Variants in LBX1 observed in about 807,000 individuals in gnomAD.
LBX1 encodes the protein transcription factor LBX1.
Under a neutral mutation model 19.9 loss-of-function variants are expected in LBX1, and 6 were observed. The ratio of observed to expected loss-of-function variants is 0.30; its 90% CI spans 0.17 to 0.60. The LOEUF (loss-of-function observed/expected upper bound fraction) is 0.60, where lower values mean the gene tolerates loss of function less well. Among genes scored for constraint, LBX1 ranks in the 20% least tolerant of loss-of-function variants. LBX1 has a pLI of 0.87. For missense variants in LBX1, 344 were observed against 393.7 expected (o/e 0.87, Z 1.07); for synonymous variants, 190 against 189.3 (o/e 1.00, Z -0.03).
rs1335464840 is a variant in LBX1 at position 101,229,225 on chromosome 10, G to A, written c.-410C>T. 1.3e-5 allele frequency: 2 copies of A among 152,910 alleles called. No homozygotes were observed. Among genetic ancestry groups the A allele is most frequent in the Non-Finnish European group, 2.9e-5 (2 of 68,512 alleles). 9.5% of individuals were successfully genotyped at this position (152,910 alleles called of 1,614,324 possible). A position where few individuals can be genotyped will look rare whatever the true frequency, so the allele number is the denominator to read the frequency against. On this transcript the variant is annotated 5_prime_UTR_variant, in exon 1 of 2. Coordinates refer to ENST00000370193, the MANE Select transcript of LBX1 (RefSeq NM_006562.5). This position sits in a 1 kb window ranked among gnomAD's most constrained non-coding sequence, Gnocchi z 6.4. ...CGGACTGCGAGGGAGGCGGAGAGAC[G>A]GGGCAATTGACTATTGCTAACAAGT... is the stretch of plus-strand genomic sequence containing the variant.
At chr10:101,227,838 A>G (rs1192044303) in intron 1 of LBX1, 48 bp from the exon 2 acceptor site, 1 of 1,512,708 alleles carries the variant, frequency 6.6e-7, no homozygotes, top group East Asian at 2.3e-5. Context: ...GAGGAAGCCC[A>G]CCCTGGCTCT....
At position 101,228,621 on chromosome 10, in the gene LBX1, C is replaced by T. The variant is rs755844405; in HGVS notation, c.195G>A (p.Lys65=). The change falls in exon 1 of 2, where the codon AAG becomes AAA. Residue 65 remains lysine, a synonymous_variant. Coordinates refer to ENST00000370193, the MANE Select transcript of LBX1 (RefSeq NM_006562.5). ...CCAGGGGCAAGCCGCCCTGCGCGTG[C>T]TTGTCCGCGGCGGCCAGCAGGTGCG... is the stretch of plus-strand genomic sequence containing the variant. ...GAAHLLAAAD[K]HAQGGLPLAG... is the part of the protein sequence containing the mutation. 1.9e-6 allele frequency: 3 copies of T among 1,574,550 alleles called. No homozygotes were observed. In the African/African-American group the frequency reaches 4.1e-5, roughly 21 times the overall value.
rs1285168819 is a variant in LBX1 at position 101,228,375 on chromosome 10, G to T, written c.325+116C>A. The T allele has an allele frequency of 2.5e-5, 18 of 722,084 alleles. No homozygotes were observed. In the Admixed American group the frequency reaches 4.4e-4, roughly 18 times the overall value. 44.7% of individuals were successfully genotyped at this position (722,084 alleles called of 1,614,324 possible). A position where few individuals can be genotyped will look rare whatever the true frequency, so the allele number is the denominator to read the frequency against. ...TTCACTCCCATAAGCAGCTGCTCAG[G>T]CTGGAAGGCCCTGGCGGCCGGAGAG... is the stretch of plus-strand genomic sequence containing the variant. On this transcript the variant is annotated intron_variant, in intron 1 of 1. Transcript: ENST00000370193.
intron 1 of LBX1, among the ~76,000 whole-genome samples, chr10:101,228,174 C>A (rs529688476): frequency 2.0e-5 from 3 of 152,150 alleles, no homozygotes; most frequent in Admixed American, 6.5e-5. Flanking sequence ...AAAAGACTCT[C>A]GATTCCCCAC....
chr10:101,227,370 G>T lies in LBX1; in HGVS notation c.746C>A (p.Ala249Asp). 3.1e-6 allele frequency: 5 copies of T among 1,607,222 alleles called. No individual in the cohort carries two copies. Among genetic ancestry groups the T allele is most frequent in the Non-Finnish European group, 2.5e-6 (3 of 1,178,274 alleles). Residue 249 changes from alanine to aspartate, a missense_variant, in exon 2 of 2, where the codon GCC becomes GAC. This residue lies in a region of LBX1 where 146 missense variants were observed against 124.2 expected (regional missense o/e 1.18). Transcript: ENST00000370193. ...CGGAGAGGCAGGCGAGAGCTGCAGG[G>T]CGCCAGCGCCCGGGGCCTTCGGGGC... ...PGAPKAPGAGALQLSPASPLT... is the reference protein window; with the variant it reads ...PGAPKAPGAGDLQLSPASPLT...
Position 101,228,791 on chromosome 10 carries a change from C to G in LBX1, c.25G>C (p.Ala9Pro). The G allele has an allele frequency of 1.3e-6, 2 of 1,597,048 alleles. No homozygotes were observed. Among genetic ancestry groups the G allele is most frequent in the Non-Finnish European group, 1.7e-6 (2 of 1,174,204 alleles). Reference sequence around the variant, plus strand: ...CGCCGCCGCTCCTCCCCCGGCGCCGCCTTGCCGTCCTCCTTGGAAGTCATC... The same window carrying G: ...CGCCGCCGCTCCTCCCCCGGCGCCGGCTTGCCGTCCTCCTTGGAAGTCATC... MTSKEDGK[A>P]APGEERRRSP... is the part of the protein sequence containing the mutation. Residue 9 changes from alanine to proline, a missense_variant, in exon 1 of 2, where the codon GCG becomes CCG. By Grantham distance (27) the Ala-to-Pro change is conservative (BLOSUM62 -1). This residue lies in a region of LBX1 where 153 missense variants were observed against 168.9 expected (regional missense o/e 0.91). Coordinates refer to ENST00000370193, the MANE Select transcript of LBX1 (RefSeq NM_006562.5).
chr10:101,227,469 T>C lies in LBX1; in HGVS notation c.647A>G (p.Glu216Gly). The change falls in exon 2 of 2, where the codon GAG (glutamate) becomes GGG (glycine). Residue 216 changes from glutamate to glycine, a missense_variant. Around this residue, in one of 3 missense-constraint regions of LBX1, gnomAD observed 146 missense variants for 124.2 expected, o/e 1.18. Coordinates refer to ENST00000370193, the MANE Select transcript of LBX1 (RefSeq NM_006562.5). ...VALAELEQNS[E>G]ATAGGGGGCG... ...GCCGCCGCCACCGCCGGCTGTGGCC[T>C]CCGAGTTCTGCTCGAGTTCGGCCAG... 6.2e-7 allele frequency: 1 copy of C among 1,605,230 alleles called. No homozygotes were observed. The highest frequency in any genetic ancestry group is 2.2e-5 in the East Asian group (1 of 44,634).
At chr10:101,228,056 C>G (rs914110210) in intron 1 of LBX1, among the ~76,000 whole-genome samples, 6 of 152,194 alleles carry the variant, frequency 3.9e-5, no homozygotes, top group Non-Finnish European at 7.3e-5. Flanking sequence ...CCCAAAGTCT[C>G]TAAGGGTATG....
chr10:101,228,735 G>A lies in LBX1; in HGVS notation c.81C>T (p.Ala27=). Residue 27 remains alanine (A), a synonymous_variant, in exon 1 of 2, where the codon GCC becomes GCT. Transcript: ENST00000370193. ...ACGGCGTCAGTGGCTTGTTGGAGTT[G>A]GCAGGCGGAGGCAGGTGGTCCAGCG... ...RSPLDHLPPP[A]NSNKPLTPFS... 6.2e-7 allele frequency: 1 copy of A among 1,604,482 alleles called. No homozygotes were observed. The highest frequency in any genetic ancestry group is 8.5e-7 in the Non-Finnish European group (1 of 1,177,128).
chr10:101,228,705 G>A lies in LBX1; in HGVS notation c.111C>T (p.Ser37=). ...ANSNKPLTPF[S]IEDILNKPSV... The stretch of plus-strand genomic sequence containing the variant: ...ACGGCTTGTTGAGGATGTCCTCGAT[G>A]CTGAACGGCGTCAGTGGCTTGTTGG... Residue 37 remains serine, a synonymous_variant, in exon 1 of 2, where the codon AGC becomes AGT. Transcript: ENST00000370193. 1 of 1,608,570 alleles carries A rather than the reference G, an allele frequency of 6.2e-7. No homozygotes were observed. Among genetic ancestry groups the A allele is most frequent in the Non-Finnish European group, 8.5e-7 (1 of 1,178,168 alleles).
At position 101,227,480 on chromosome 10, in the gene LBX1, C is replaced by T; in HGVS notation, c.636G>A (p.Glu212=). The T allele has an allele frequency of 6.2e-7, 1 of 1,608,398 alleles. No individual in the cohort carries two copies. Reference sequence around the variant, plus strand: ...CGCCGGCTGTGGCCTCCGAGTTCTGCTCGAGTTCGGCCAGCGCCACGATGT... The same window carrying T: ...CGCCGGCTGTGGCCTCCGAGTTCTGTTCGAGTTCGGCCAGCGCCACGATGT... The part of the protein sequence containing the change: ...QMDIVALAEL[E]QNSEATAGGG... Residue 212 remains glutamate, a synonymous_variant, in exon 2 of 2, where the codon GAG becomes GAA. Transcript: ENST00000370193.
In LBX1 at chr10:101,227,216, C is replaced by A; in HGVS notation, c.*54G>T. ...CCCCTCGGCGGTCCGGTCCGGGAGG[C>A]GTTGGGCTTTCGAGCGCTAGGAGCC... On this transcript the variant is annotated 3_prime_UTR_variant, in exon 2 of 2. Coordinates refer to ENST00000370193, the MANE Select transcript of LBX1 (RefSeq NM_006562.5). 2 of 1,548,548 alleles carry A rather than the reference C, an allele frequency of 1.3e-6. No homozygotes were observed. Among genetic ancestry groups the A allele is most frequent in the Non-Finnish European group, 1.7e-6 (2 of 1,146,386 alleles).
chr10:101,228,246 A>G lies in LBX1; in HGVS notation c.325+245T>C, dbSNP rs566741685. Among the ~76,000 whole-genome samples, 5 of 152,290 alleles carry G rather than the reference A, an allele frequency of 3.3e-5. No individual in the cohort carries two copies. In the East Asian group the frequency reaches 9.7e-4, roughly 30 times the overall value. On this transcript the variant is annotated intron_variant, in intron 1 of 1. Transcript: ENST00000370193. ...GAACGCAAGGGAGCCCGGCAAAGCA[A>G]GCAGACTGCGGAAAGAGCTTGGCCA...
intron 1 of LBX1, 49 bp from the exon 2 acceptor site, chr10:101,227,839 C>T: frequency 4.6e-6 from 7 of 1,508,550 alleles, no homozygotes; most frequent in Non-Finnish European, 6.2e-6. Flanking sequence ...AGGAAGCCCA[C>T]CCTGGCTCTC....
In LBX1 at chr10:101,228,600, G is replaced by T; in HGVS notation, c.216C>A (p.Pro72=). Residue 72 remains proline (P), a synonymous_variant, in exon 1 of 2, where the codon CCC becomes CCA. Transcript: ENST00000370193. ...GCGAGAGCAGCGCGCGGCCCGCCAG[G>T]GGCAAGCCGCCCTGCGCGTGCTTGT... ...AADKHAQGGL[P]LAGRALLSQT... is the part of the protein sequence containing the mutation. 6.4e-7 allele frequency: 1 copy of T among 1,560,746 alleles called. No individual in the cohort carries two copies. The highest frequency in any genetic ancestry group is 2.4e-5 in the East Asian group (1 of 42,326).
At position 101,227,772 on chromosome 10, in the gene LBX1, A is replaced by G. The variant is rs1941062949; in HGVS notation, c.344T>C (p.Ile115Thr). ...CTTAGGGGTCTGCCGCTGCCCAAAG[A>G]TGGTCATACCGTCGCGGCCTGGGAG... ...QAAEGRDGMT[I>T]FGQRQTPKKR... is the part of the protein sequence containing the mutation. The change falls in exon 2 of 2, where the codon ATC (isoleucine) becomes ACC (threonine). Residue 115 changes from isoleucine (I) to threonine (T), a missense_variant. Physicochemically the swap from Ile to Thr is moderately conservative, Grantham distance 89. This residue lies in a region of LBX1 where 153 missense variants were observed against 168.9 expected (regional missense o/e 0.91). Transcript: ENST00000370193. 2 of 1,588,782 alleles carry G rather than the reference A, an allele frequency of 1.3e-6. No individual in the cohort carries two copies. Among genetic ancestry groups the G allele is most frequent in the East Asian group, 2.2e-5 (1 of 44,526 alleles).
chr10:101,228,095 C>T (rs984896718), intron 1 of LBX1, among the ~76,000 whole-genome samples: 9 of 152,164 alleles, frequency 5.9e-5, no homozygotes, highest in African/African-American at 1.7e-4. Flanking sequence ...ACCCTAATTG[C>T]GGTGTGAATG....
rs1293231423 is a variant in LBX1, at chr10:101,227,176, G to C, written c.*94C>G. On this transcript the variant is annotated 3_prime_UTR_variant, in exon 2 of 2. Coordinates refer to ENST00000370193, the MANE Select transcript of LBX1 (RefSeq NM_006562.5). ...ACAGGGGAGGAGGCGGGAGTTGGCA[G>C]AGGAGGTCCCAGCTCCCCTCGGCGG... The C allele has an allele frequency of 7.9e-7, 1 of 1,261,060 alleles. No individual in the cohort carries two copies. Among genetic ancestry groups the C allele is most frequent in the Non-Finnish European group, 1.1e-6 (1 of 922,534 alleles). The allele number at this position is 1,261,060 out of a possible 1,614,324, so 78.1% of individuals were successfully genotyped here.
Position 101,228,794 on chromosome 10 carries a change from T to G in LBX1, c.22A>C (p.Lys8Gln), listed in dbSNP as rs775799886. 1 of 1,596,694 alleles carries G rather than the reference T, an allele frequency of 6.3e-7. No homozygotes were observed. The highest frequency in any genetic ancestry group is 8.5e-7 in the Non-Finnish European group (1 of 1,174,028). Reference sequence around the variant, plus strand: ...CGCCGCTCCTCCCCCGGCGCCGCCTTGCCGTCCTCCTTGGAAGTCATCTCG... The same window carrying G: ...CGCCGCTCCTCCCCCGGCGCCGCCTGGCCGTCCTCCTTGGAAGTCATCTCG... Reference protein sequence around the residue: MTSKEDGKAAPGEERRRS... With the variant: MTSKEDGQAAPGEERRRS... Residue 8 changes from lysine (K) to glutamine (Q), a missense_variant, in exon 1 of 2, where the codon AAG becomes CAG. By Grantham distance (53) the Lys-to-Gln change is moderately conservative. Coordinates refer to ENST00000370193, the MANE Select transcript of LBX1 (RefSeq NM_006562.5).
Sources: allele counts gnomAD v4.1 joint callset (sites outside exome capture counted in the v4.1 genomes callset), GRCh38; gene constraint gnomAD v4.1.1; regional missense constraint gnomAD v4.1.1; non-coding constraint Gnocchi (gnomAD v3.1); transcripts MANE v1.5; gene names NCBI Gene and HGNC (gene_info 2026-07-23, HGNC 2026-07-21).